The following CSRNP3 variants were observed in gnomAD, a reference collection of about 807,000 sequenced individuals.
CSRNP3 encodes cysteine/serine-rich nuclear protein 3.
In CSRNP3, 12 loss-of-function variants were observed where a neutral mutation model predicts 48.0. The ratio of observed to expected loss-of-function variants is 0.25; its 90% CI spans 0.16 to 0.41. CSRNP3 has a LOEUF of 0.41. Ranked by LOEUF, CSRNP3 falls within the 10% of genes least tolerant of loss-of-function variation. The pLI is 1.00. For missense variants in CSRNP3, 580 were observed against 724.4 expected (o/e 0.80, Z 2.29); for synonymous variants, 263 against 269.7 (o/e 0.98, Z 0.24).
In CSRNP3 at chr2:165,686,701, A is replaced by G. The variant is rs530000299; in HGVS notation, c.*6948A>G. 3.3e-5 allele frequency: 5 copies of G among 152,154 alleles called. No individual in the cohort carries two copies. In the East Asian group the frequency reaches 9.7e-4, roughly 29 times the overall value. The allele number at this position is 152,154 out of a possible 1,614,324, so 9.4% of individuals were successfully genotyped here. A position where few individuals can be genotyped will look rare whatever the true frequency, so the allele number is the denominator to read the frequency against. On this transcript the variant is annotated 3_prime_UTR_variant, in exon 7 of 7. Transcript: ENST00000651982. The stretch of plus-strand genomic sequence containing the variant: ...TTGATTTTAAGATGTAATAGTTGGC[A>G]AAGTCATTTCATTTGTGTCTCAAAC...
At chr2:165,479,877 A>G (rs1375525963) in intron 1 of CSRNP3, among the ~76,000 whole-genome samples, 1 of 140,552 alleles carries the variant, frequency 7.1e-6, no homozygotes, top group Non-Finnish European at 1.6e-5. Context: ...AGATGAGACC[A>G]GTCTCAAAAA....
At chr2:165,628,090 G>A (rs1477607180) in intron 4 of CSRNP3, among the ~76,000 whole-genome samples, 1 of 152,136 alleles carries the variant, frequency 6.6e-6, no homozygotes, top group Non-Finnish European at 1.5e-5. Flanking sequence ...CAGCGGAATT[G>A]CCACAGAATT....
chr2:165,544,796 T>G (rs1428877672), intron 3 of CSRNP3, among the ~76,000 whole-genome samples: 1 of 152,126 alleles, frequency 6.6e-6, no homozygotes, highest in East Asian at 1.9e-4. Flanking sequence ...GGAGAGAATA[T>G]ATAAGCTTGA....
intron 5 of CSRNP3, among the ~76,000 whole-genome samples, chr2:165,660,919 A>T (rs1250656789): frequency 6.6e-6 from 1 of 152,194 alleles, no homozygotes; most frequent in Non-Finnish European, 1.5e-5. Flanking sequence ...GAGATGATCC[A>T]ATCTTAACCT....
chr2:165,623,352 C>G (rs1686373652), intron 4 of CSRNP3, among the ~76,000 whole-genome samples: 1 of 152,116 alleles, frequency 6.6e-6, no homozygotes, highest in African/African-American at 2.4e-5. Flanking sequence ...AGCACAGATC[C>G]TATTGTGAAC....
intron 2 of CSRNP3, 113 bp downstream of exon 2, chr2:165,495,041 A>G (rs1684267420): frequency 6.6e-6 from 1 of 152,500 alleles, no homozygotes; most frequent in Admixed American, 6.6e-5. Flanking sequence ...TCTTCCTCAT[A>G]TCAAAATATT....
In CSRNP3 at chr2:165,681,740, T is replaced by TATATATATATATATAC. The variant is rs1687544075; in HGVS notation, c.*2002_*2003insCATATATATATATATA. The TATATATATATATATAC allele has an allele frequency of 4.7e-5, 4 of 85,790 alleles. No individual in the cohort carries two copies. The highest frequency in any genetic ancestry group is 1.1e-4 in the Non-Finnish European group (4 of 37,506). The allele number at this position is 85,790 out of a possible 1,614,324, so 5.3% of individuals were successfully genotyped here. ...TCTCAAATATACATATATATATATA[T>TATATATATATATATAC]ATATATATATATATATATATACACA... On this transcript the variant is annotated 3_prime_UTR_variant, in exon 7 of 7. Coordinates refer to ENST00000651982, the MANE Select transcript of CSRNP3 (RefSeq NM_001172173.2).
At chr2:165,625,795 C>T (rs551653374) in intron 4 of CSRNP3, among the ~76,000 whole-genome samples, 10 of 147,928 alleles carry the variant, frequency 6.8e-5, no homozygotes, top group Non-Finnish European at 1.3e-4. Context: ...TAGCCTGGTG[C>T]AGAGGCGGGC....
chr2:165,497,354 T>C (rs1684297971), intron 2 of CSRNP3, among the ~76,000 whole-genome samples: 1 of 152,064 alleles, frequency 6.6e-6, no homozygotes, highest in Non-Finnish European at 1.5e-5. Flanking sequence ...TGGAAGGGAA[T>C]GGTGATAGGC....
At chr2:165,485,969 G>T (rs1684107204) in intron 1 of CSRNP3, among the ~76,000 whole-genome samples, 1 of 152,118 alleles carries the variant, frequency 6.6e-6, no homozygotes. Flanking sequence ...GAACAGCTCT[G>T]GTCTACAGCT....
At chr2:165,498,528 C>T (rs937757900) in intron 2 of CSRNP3, among the ~76,000 whole-genome samples, 7 of 152,252 alleles carry the variant, frequency 4.6e-5, no homozygotes, top group African/African-American at 1.4e-4. Flanking sequence ...TTATATTCAA[C>T]TTTACTGGCT....
At chr2:165,546,880 A>T (rs1328637602) in intron 3 of CSRNP3, among the ~76,000 whole-genome samples, 2 of 152,218 alleles carry the variant, frequency 1.3e-5, no homozygotes, top group Non-Finnish European at 2.9e-5. Context: ...TTTACAACTG[A>T]CTTAGAGAGA....
chr2:165,563,717 T>C (rs1413247534), intron 3 of CSRNP3, among the ~76,000 whole-genome samples: 1 of 152,140 alleles, frequency 6.6e-6, no homozygotes, highest in Non-Finnish European at 1.5e-5. Context: ...TCTCTGAGCA[T>C]AACAGAGACA....
chr2:165,631,800 A>T (rs1008015529), intron 4 of CSRNP3, among the ~76,000 whole-genome samples: 2 of 152,236 alleles, frequency 1.3e-5, no homozygotes, highest in Non-Finnish European at 2.9e-5. Context: ...TTGGAAAACA[A>T]CTACTCTCAC....
At chr2:165,578,211 T>TG (rs1399873851) in intron 3 of CSRNP3, among the ~76,000 whole-genome samples, 3 of 152,076 alleles carry the variant, frequency 2.0e-5, no homozygotes, top group Admixed American at 2.0e-4. Context: ...TTTCAAATCC[T>TG]GGCATTAAAT....
At chr2:165,512,592 A>AT (rs1165769583) in intron 2 of CSRNP3, among the ~76,000 whole-genome samples, 5 of 152,188 alleles carry the variant, frequency 3.3e-5, no homozygotes, top group Admixed American at 3.3e-4. Context: ...TTTTGGAAAC[A>AT]TTTTTTGTCA....
chr2:165,500,356 T>TATAC (rs1338171843), intron 2 of CSRNP3, among the ~76,000 whole-genome samples: 1 of 150,328 alleles, frequency 6.7e-6, no homozygotes, highest in Non-Finnish European at 1.5e-5. Flanking sequence ...TATGTATATG[T>TATAC]ATACATACAT....
chr2:165,664,409 C>T (rs1687145590), intron 5 of CSRNP3, among the ~76,000 whole-genome samples: 1 of 152,214 alleles, frequency 6.6e-6, no homozygotes, highest in Non-Finnish European at 1.5e-5. Context: ...TGTTAGAAAG[C>T]TCTTCCTAAC....
chr2:165,620,742 A>G (rs1573924058), intron 4 of CSRNP3, among the ~76,000 whole-genome samples: 2 of 152,230 alleles, frequency 1.3e-5, no homozygotes, highest in East Asian at 1.9e-4. Flanking sequence ...TACATGTGGT[A>G]TTTGTAAGGT....
Sources: allele counts gnomAD v4.1 joint callset (sites outside exome capture counted in the v4.1 genomes callset), GRCh38; gene constraint gnomAD v4.1.1; transcripts MANE v1.5; gene names NCBI Gene and HGNC (gene_info 2026-07-23, HGNC 2026-07-21).